The following ITGAE variants were observed in gnomAD, a reference collection of about 807,000 sequenced individuals.
ITGAE encodes integrin alpha-E.
Under a neutral mutation model 136.5 loss-of-function variants are expected in ITGAE, and 99 were observed. The ratio of observed to expected loss-of-function variants is 0.73; its 90% confidence interval spans 0.62 to 0.86. The LOEUF is 0.86. Among genes scored for constraint, ITGAE ranks in the 40% least tolerant of loss-of-function variants. ITGAE has a pLI of 0.00. For synonymous variants in ITGAE, 613 were observed against 591.8 expected, an observed-to-expected ratio of 1.04 and a Z score of -0.52; for missense variants, 1,447 against 1,515.3, an observed-to-expected ratio of 0.95 and a Z score of 0.75.
intron 1 of ITGAE, among the ~76,000 whole-genome samples, chr17:3,795,896 T>C (rs905145677): frequency 2.3e-4 from 35 of 150,048 alleles, no homozygotes; most frequent in African/African-American, 8.7e-4. Flanking sequence ...TCCGTGTGTG[T>C]GCATCTGTGT....
chr17:3,777,702 C>T (rs2052577097), intron 1 of ITGAE, 42 bp from the exon 2 acceptor site: 4 of 1,571,472 alleles, frequency 2.5e-6, no homozygotes, highest in Admixed American at 3.7e-5. Context: ...AGGCCTTTTA[C>T]TCCCGTTATT....
chr17:3,732,511 C>CAAAACA (rs1185120865), intron 21 of ITGAE, 45 bp from the exon 22 acceptor site: 1 of 1,538,440 alleles, frequency 6.5e-7, no homozygotes, highest in South Asian at 1.1e-5. Flanking sequence ...CCAAACAAAA[C>CAAAACA]AAAACAAAAA....
At position 3,750,444 on chromosome 17, in the gene ITGAE, G is replaced by A. The variant is rs200815927; in HGVS notation, c.1932C>T (p.Tyr644=). 3.0e-5 allele frequency: 49 copies of A among 1,614,212 alleles called. No homozygotes were observed. The highest frequency in any genetic ancestry group is 4.5e-5 in the East Asian group (2 of 44,886). ...AGCCACCAGCCATGGACATGCCGAA[G>A]TACTGGAGTCCTGGGGCCACCGTGG... ...RASTVAPGLQ[Y]FGMSMAGGFD... is the part of the protein sequence containing the mutation. The change falls in exon 16 of 31, where the codon TAC becomes TAT. Residue 644 remains tyrosine, a synonymous_variant. Transcript: ENST00000263087.
rs138301927 is a variant in ITGAE at position 3,762,128 on chromosome 17, C to T, written c.248-146G>A. 2.3e-3 allele frequency: 1,512 copies of T among 663,156 alleles called. 16 individuals are homozygous for T. Among genetic ancestry groups the T allele is most frequent in the African/African-American group, 0.015 (809 of 55,232 alleles). The allele number at this position is 663,156 out of a possible 1,614,324, so 41.1% of individuals were successfully genotyped here. A position where few individuals can be genotyped will look rare whatever the true frequency, so the allele number is the denominator to read the frequency against. Reference sequence around the variant, plus strand: ...CAGAGAAGCCTCTAGAAAGCTAGAGCGGGGGCCTTCAAGGTCAGGACTGGA... The same window carrying T: ...CAGAGAAGCCTCTAGAAAGCTAGAGTGGGGGCCTTCAAGGTCAGGACTGGA... On this transcript the variant is annotated intron_variant, in intron 3 of 30. Transcript: ENST00000263087.
intron 2 of ITGAE, among the ~76,000 whole-genome samples, chr17:3,773,654 C>T (rs2052478054): frequency 6.6e-6 from 1 of 152,144 alleles, no homozygotes. Context: ...AAACCCTGTC[C>T]TTTTGAGTTT....
At chr17:3,751,405 C>T (rs1340133722) in intron 15 of ITGAE, among the ~76,000 whole-genome samples, 1 of 151,696 alleles carries the variant, frequency 6.6e-6, no homozygotes, top group Non-Finnish European at 1.5e-5. Context: ...CCACAACCTC[C>T]CCTGAACCTG....
chr17:3,741,580 G>A (rs922227528), intron 19 of ITGAE, among the ~76,000 whole-genome samples: 2 of 152,090 alleles, frequency 1.3e-5, no homozygotes, highest in Admixed American at 1.3e-4. Context: ...CTTTGCCATA[G>A]CATAATAGTC....
chr17:3,780,122 T>C (rs1418636311), intron 1 of ITGAE, among the ~76,000 whole-genome samples: 1 of 151,654 alleles, frequency 6.6e-6, no homozygotes, highest in Non-Finnish European at 1.5e-5. Flanking sequence ...TACAGGCATG[T>C]GCCACCATGC....
At chr17:3,767,508 C>T in intron 2 of ITGAE, among the ~76,000 whole-genome samples, 1 of 152,222 alleles carries the variant, frequency 6.6e-6, no homozygotes, top group Non-Finnish European at 1.5e-5. Flanking sequence ...GCTGGAATTA[C>T]AAGCATGAGC....
chr17:3,735,507 C>A (rs1381511004), intron 20 of ITGAE, among the ~76,000 whole-genome samples: 2 of 152,042 alleles, frequency 1.3e-5, no homozygotes, highest in Non-Finnish European at 2.9e-5. Flanking sequence ...GAGACAGGGT[C>A]TCGCCATGTG....
In ITGAE at chr17:3,799,958, A is replaced by C. The variant is rs367764820; in HGVS notation, c.34+1153T>G. ...ATATGGTGAGACCCTGTCTCTACTA[A>C]AAATACAAAAATTAGCCAGGCGTGG... On this transcript the variant is annotated intron_variant, in intron 1 of 30. Transcript: ENST00000263087. The surrounding 1 kb of genome is among the most constrained non-coding windows in gnomAD (Gnocchi z 4.1). 1.8e-4 allele frequency among the ~76,000 whole-genome samples: 28 copies of C among 152,164 alleles called. No individual in the cohort carries two copies. The East Asian group carries it at 3.3e-3, about 18-fold the overall frequency.
chr17:3,734,284 A>C (rs527329135), intron 21 of ITGAE, among the ~76,000 whole-genome samples: 18 of 152,240 alleles, frequency 1.2e-4, no homozygotes, highest in Non-Finnish European at 2.2e-4. Flanking sequence ...CGTGTTAGCC[A>C]GGATGGTCTC....
At chr17:3,792,390 T>C (rs959644826) in intron 1 of ITGAE, among the ~76,000 whole-genome samples, 4 of 152,242 alleles carry the variant, frequency 2.6e-5, no homozygotes, top group African/African-American at 7.2e-5. Flanking sequence ...GTGCTGGGAT[T>C]ACACGCGTGA....
intron 26 of ITGAE, chr17:3,724,226 C>G: frequency 1.9e-6 from 3 of 1,593,722 alleles, no homozygotes; most frequent in Non-Finnish European, 2.5e-6. Flanking sequence ...TGACCGTGAC[C>G]CCAAAGCGCT....
At chr17:3,724,515 T>C (rs2051158841) in intron 26 of ITGAE, 1 of 1,613,866 alleles carries the variant, frequency 6.2e-7, no homozygotes, top group Non-Finnish European at 8.5e-7. Context: ...CACCTCCGCC[T>C]GTCTGGTTGC....
At chr17:3,729,588 T>G in intron 23 of ITGAE, 33 bp from the exon 24 acceptor site, 2 of 1,308,220 alleles carry the variant, frequency 1.5e-6, no homozygotes, top group Non-Finnish European at 2.2e-6. Flanking sequence ...ATAGCACACC[T>G]GCTTTGTACA....
intron 30 of ITGAE, among the ~76,000 whole-genome samples, chr17:3,715,452 C>T (rs761926824): frequency 9.2e-5 from 14 of 152,136 alleles, no homozygotes; most frequent in Non-Finnish European, 1.8e-4. Context: ...AGACCGCTTT[C>T]AGGGAAGACA....
In ITGAE at chr17:3,734,926, G is replaced by A; in HGVS notation, c.2546C>T (p.Thr849Ile). The A allele has an allele frequency of 6.2e-7, 1 of 1,614,188 alleles. No individual in the cohort carries two copies. The highest frequency in any genetic ancestry group is 8.5e-7 in the Non-Finnish European group (1 of 1,180,012). The change falls in exon 21 of 31, where the codon ACA becomes ATA. Residue 849 changes from threonine to isoleucine, a missense_variant. Thr to Ile is a moderately conservative substitution (Grantham distance 89, BLOSUM62 -1). This residue lies in a region of ITGAE where 1,031 missense variants were observed against 1,011.4 expected (regional missense o/e 1.02). Transcript: ENST00000263087. ...GTTAATGTTCAGGGTCAGCTCCTTT[G>A]TGAGACCCACCACCAACTCCTGCCT... ...VSQQELVVGL[T>I]KELTLNINLT...
At chr17:3,791,871 C>T (rs1298129998) in intron 1 of ITGAE, among the ~76,000 whole-genome samples, 1 of 152,144 alleles carries the variant, frequency 6.6e-6, no homozygotes, top group Non-Finnish European at 1.5e-5. Flanking sequence ...AAAATACATT[C>T]AGCTTGTGTG....
Sources: allele counts gnomAD v4.1 joint callset (sites outside exome capture counted in the v4.1 genomes callset), GRCh38; gene constraint gnomAD v4.1.1; regional missense constraint gnomAD v4.1.1; non-coding constraint Gnocchi (gnomAD v3.1); transcripts MANE v1.5; gene names NCBI Gene and HGNC (gene_info 2026-07-23, HGNC 2026-07-21).